The following TGFB3 variants were observed in gnomAD, a reference collection of about 807,000 sequenced individuals.
TGFB3 encodes the protein transforming growth factor beta 3.
A neutral mutation model predicts 40.1 loss-of-function variants in TGFB3; 5 were observed. The ratio of observed to expected loss-of-function variants is 0.12; its 90% CI spans 0.07 to 0.26. The LOEUF is 0.26. TGFB3 is among the 10% of genes least tolerant of loss of function. TGFB3 has a pLI of 1.00. For missense variants in TGFB3, 373 were observed against 530.1 expected (o/e 0.70, Z 2.91); for synonymous variants, 184 against 205.6 (o/e 0.89, Z 0.90).
rs1386975298 is a variant in TGFB3 at position 75,978,622 on chromosome 14, CCACCCATCT to C, written c.352+1911_352+1919del. Among the ~76,000 whole-genome samples the C allele has an allele frequency of 1.3e-5, 2 of 152,276 alleles. No homozygotes were observed. The highest frequency in any genetic ancestry group is 2.9e-5 in the Non-Finnish European group (2 of 68,052). ...AGACCATTGCTCCATAACCCCACAT[CCACCCATCT>C]GTTGCAGTTGTAAGGTCTTGGTACT... On this transcript the variant is annotated intron_variant, in intron 1 of 6. Coordinates refer to ENST00000238682, the MANE Select transcript of TGFB3 (RefSeq NM_003239.5). The surrounding 1 kb of genome is among the most constrained non-coding windows in gnomAD (Gnocchi z 5.0).
chr14:75,961,818 T>C (rs747829873), intron 5 of TGFB3, among the ~76,000 whole-genome samples: 26 of 152,168 alleles, frequency 1.7e-4, no homozygotes, highest in Non-Finnish European at 3.4e-4. Context: ...CCCTTCTCCC[T>C]TGTGACATCC....
At chr14:75,977,750 A>G (rs575037249) in intron 1 of TGFB3, among the ~76,000 whole-genome samples, 1 of 151,670 alleles carries the variant, frequency 6.6e-6, no homozygotes, top group African/African-American at 2.4e-5. Flanking sequence ...AATAACTCTG[A>G]CCTCTCCTGC....
At chr14:75,977,237 A>C (rs931284687) in intron 1 of TGFB3, among the ~76,000 whole-genome samples, 1 of 152,234 alleles carries the variant, frequency 6.6e-6, no homozygotes, top group Non-Finnish European at 1.5e-5. Flanking sequence ...CAAGTCTCCG[A>C]ACAGAGACAG....
At chr14:75,964,952 AAG>A (rs1181405532) in intron 4 of TGFB3, among the ~76,000 whole-genome samples, 1 of 152,234 alleles carries the variant, frequency 6.6e-6, no homozygotes, top group African/African-American at 2.4e-5. Flanking sequence ...ATGAAAGGAA[AAG>A]AGAACTTCCC....
intron 5 of TGFB3, 75 bp downstream of exon 5, chr14:75,963,240 TG>T: frequency 6.4e-7 from 1 of 1,564,210 alleles, no homozygotes; most frequent in Non-Finnish European, 8.8e-7. Flanking sequence ...GAGTGTGGCT[TG>T]GCTCTGGGGC....
At chr14:75,973,406 A>C (rs1477467726) in intron 1 of TGFB3, among the ~76,000 whole-genome samples, 1 of 152,268 alleles carries the variant, frequency 6.6e-6, no homozygotes, top group Non-Finnish European at 1.5e-5. Flanking sequence ...AAATGTGTGA[A>C]TGCTGTCTAA....
At chr14:75,977,473 A>G (rs1438683676) in intron 1 of TGFB3, among the ~76,000 whole-genome samples, 1 of 152,168 alleles carries the variant, frequency 6.6e-6, no homozygotes, top group African/African-American at 2.4e-5. Flanking sequence ...GGAATTATAA[A>G]ATTCTTTCAG....
In TGFB3 at chr14:75,980,471, C is replaced by A; in HGVS notation, c.352+71G>T. 2.0e-6 allele frequency: 3 copies of A among 1,497,840 alleles called. No homozygotes were observed. The South Asian group carries it at 3.4e-5, about 17-fold the overall frequency. The allele number at this position is 1,497,840 out of a possible 1,614,324, so 92.8% of individuals were successfully genotyped here. A position where few individuals can be genotyped will look rare whatever the true frequency, so the allele number is the denominator to read the frequency against. On this transcript the variant is annotated intron_variant, in intron 1 of 6. Transcript: ENST00000238682. This position sits in a 1 kb window ranked among gnomAD's most constrained non-coding sequence, Gnocchi z 4.3. ...CCTGCTGTGTGGCCAGCACTAGGCCCCCCTCTGCAGAGCTCCCAGCTCCAG... is the reference window on the plus strand; with the variant it reads ...CCTGCTGTGTGGCCAGCACTAGGCCACCCTCTGCAGAGCTCCCAGCTCCAG...
At chr14:75,974,941 A>T (rs1032103572) in intron 1 of TGFB3, among the ~76,000 whole-genome samples, 4 of 151,638 alleles carry the variant, frequency 2.6e-5, no homozygotes, top group Non-Finnish European at 4.4e-5. Flanking sequence ...AAATACGAAA[A>T]TTAGCTGGGC....
Position 75,980,774 on chromosome 14 carries a change from C to T in TGFB3, c.120G>A (p.Val40=). The T allele has an allele frequency of 6.2e-7, 1 of 1,614,164 alleles. No homozygotes were observed. The highest frequency in any genetic ancestry group is 8.5e-7 in the Non-Finnish European group (1 of 1,180,036). The change falls in exon 1 of 7, where the codon GTG becomes GTA. Residue 40 remains valine, a synonymous_variant. Coordinates refer to ENST00000238682, the MANE Select transcript of TGFB3 (RefSeq NM_003239.5). The surrounding 1 kb of genome is among the most constrained non-coding windows in gnomAD (Gnocchi z 4.3). ...LDFGHIKKKR[V]EAIRGQILSK... is the part of the protein sequence containing the mutation. ...TCAAGATCTGTCCCCTAATGGCTTC[C>T]ACCCTCTTCTTCTTGATGTGGCCGA...
chr14:75,958,118 T>C lies in TGFB3; in HGVS notation c.*1069A>G, dbSNP rs1225232965. ...GACATACACCTTAGAATAAGGCTTT[T>C]ACTGTTCTAGAAACAATATTCCAGA... On this transcript the variant is annotated 3_prime_UTR_variant, in exon 7 of 7. Transcript: ENST00000238682. 1 of 152,684 alleles carries C rather than the reference T, an allele frequency of 6.5e-6. No homozygotes were observed. 9.5% of individuals were successfully genotyped at this position (152,684 alleles called of 1,614,324 possible). A position where few individuals can be genotyped will look rare whatever the true frequency, so the allele number is the denominator to read the frequency against.
chr14:75,969,930 G>C (rs1214750241), intron 3 of TGFB3, among the ~76,000 whole-genome samples: 1 of 152,198 alleles, frequency 6.6e-6, no homozygotes, highest in Admixed American at 6.5e-5. Flanking sequence ...TCTCGGCCTA[G>C]ATATTGCTCT....
chr14:75,981,561 C>T lies in TGFB3; in HGVS notation c.-668G>A, dbSNP rs991334069. 2 of 156,560 alleles carry T rather than the reference C, an allele frequency of 1.3e-5. No homozygotes were observed. The highest frequency in any genetic ancestry group is 4.8e-5 in the African/African-American group (2 of 41,458). The allele number at this position is 156,560 out of a possible 1,614,324, so 9.7% of individuals were successfully genotyped here. On this transcript the variant is annotated 5_prime_UTR_variant, in exon 1 of 7. Transcript: ENST00000238682. This position sits in a 1 kb window ranked among gnomAD's most constrained non-coding sequence, Gnocchi z 4.7. ...CCATTCATGCTTTCTCTTTTGTTTA[C>T]ACTTCCTCGGGGGCTTTCTAAATGA... is the stretch of plus-strand genomic sequence containing the variant.
At chr14:75,969,090 G>A (rs182809502) in intron 3 of TGFB3, among the ~76,000 whole-genome samples, 1 of 152,292 alleles carries the variant, frequency 6.6e-6, no homozygotes, top group East Asian at 1.9e-4. Flanking sequence ...CAGGTTTTAT[G>A]TGAAATCTCC....
At chr14:75,969,141 G>A (rs559420149) in intron 3 of TGFB3, among the ~76,000 whole-genome samples, 2 of 152,276 alleles carry the variant, frequency 1.3e-5, no homozygotes, top group South Asian at 4.2e-4. Flanking sequence ...TAGTCAAATC[G>A]AAAACAATGT....
Position 75,963,801 on chromosome 14 carries a change from C to G in TGFB3, c.755-314G>C, listed in dbSNP as rs544323464. On this transcript the variant is annotated intron_variant, in intron 4 of 6. Transcript: ENST00000238682. ...AGCCCTTGCTGAGATTCCTAGGAATCTTCATGGACCTATGAAGCATCCCTG... is the reference window on the plus strand; with the variant it reads ...AGCCCTTGCTGAGATTCCTAGGAATGTTCATGGACCTATGAAGCATCCCTG... Among the ~76,000 whole-genome samples, 9 of 152,322 alleles carry G rather than the reference C, an allele frequency of 5.9e-5. No individual in the cohort carries two copies. The East Asian group carries it at 1.7e-3, about 29-fold the overall frequency.
In TGFB3 at chr14:75,979,991, GC is replaced by G. The variant is rs1484773263; in HGVS notation, c.352+550del. ...TGGGGTAGACCAAAGGGCCCAGGCA[GC>G]AAGAAGCTGTCTCCTGCCTGGGCTT... On this transcript the variant is annotated intron_variant, in intron 1 of 6. Coordinates refer to ENST00000238682, the MANE Select transcript of TGFB3 (RefSeq NM_003239.5). The surrounding 1 kb of genome is among the most constrained non-coding windows in gnomAD (Gnocchi z 4.8). Among the ~76,000 whole-genome samples, 1 of 152,200 alleles carries G rather than the reference GC, an allele frequency of 6.6e-6. No homozygotes were observed. The highest frequency in any genetic ancestry group is 1.5e-5 in the Non-Finnish European group (1 of 68,028).
chr14:75,970,985 G>T (rs947978307), intron 3 of TGFB3, 141 bp downstream of exon 3: 28 of 1,199,964 alleles, frequency 2.3e-5, no homozygotes, highest in Non-Finnish European at 3.0e-5. Context: ...TTGAGTGAAT[G>T]AATGGAGGAT....
At chr14:75,982,866 C>T (rs925205704), upstream of TGFB3, 8 of 152,382 alleles carry the variant, frequency 5.2e-5, no homozygotes, top group African/African-American at 1.9e-4. The surrounding 1 kb of genome is among the most constrained non-coding windows in gnomAD (Gnocchi z 4.0). Context: ...TCCCTCCCCG[C>T]CGAGGTCTCC....
Sources: gnomAD v4.1 joint callset for allele counts (sites outside exome capture counted in the v4.1 genomes callset) on GRCh38, gnomAD v4.1.1 for gene constraint, Gnocchi (gnomAD v3.1) non-coding constraint, MANE v1.5 for transcripts, NCBI Gene and HGNC (gene_info 2026-07-23, HGNC 2026-07-21) for gene names.